TPO: variants seen among roughly 807,000 people sequenced by gnomAD.
TPO encodes the protein thyroid peroxidase, also known as thyroid microsomal antigen.
Under a neutral mutation model 96.9 loss-of-function variants are expected in TPO, and 78 were observed. The observed-to-expected ratio is 0.81, with a 90% confidence interval of 0.67 to 0.97. The LOEUF (loss-of-function observed/expected upper bound fraction) is 0.97, where lower values mean the gene tolerates loss of function less well. TPO is among the 50% of genes least tolerant of loss of function. The pLI, the probability that TPO is intolerant of heterozygous loss-of-function variation, is 0.00. For missense variants in TPO, 1,252 were observed against 1,274.8 expected, an observed-to-expected ratio of 0.98 and a Z score of 0.27; for synonymous variants, 547 against 538.0, an observed-to-expected ratio of 1.02 and a Z score of -0.23.
intron 5 of TPO, among the ~76,000 whole-genome samples, chr2:1,445,593 C>G (rs1187908753): frequency 4.9e-5 from 7 of 141,766 alleles, no homozygotes; most frequent in African/African-American, 8.2e-5. Context: ...TTTGTATGAT[C>G]CAGTCATTGC....
At chr2:1,422,371 C>CGACCTCGTGCAGGCGCCTCTCCTGGACA (rs1663806629) in intron 2 of TPO, among the ~76,000 whole-genome samples, 1 of 49,780 alleles carries the variant, frequency 2.0e-5, no homozygotes, top group African/African-American at 7.2e-5. Context: ...CGCGCTGGAC[C>CGACCTCGTGCAGGCGCCTCTCCTGGACA]GACCTCGTGC....
chr2:1,484,606 T>G lies in TPO; in HGVS notation c.1349T>G (p.Leu450Arg). The G allele has an allele frequency of 6.2e-7, 1 of 1,614,112 alleles. No individual in the cohort carries two copies. Among genetic ancestry groups the G allele is most frequent in the Non-Finnish European group, 8.5e-7 (1 of 1,180,030 alleles). The change falls in exon 9 of 17, where the codon CTG becomes CGG. Residue 450 changes from leucine to arginine, a missense_variant. Leu to Arg is a moderately radical substitution (Grantham distance 102). Coordinates refer to ENST00000329066, the MANE Select transcript of TPO (RefSeq NM_001206744.2). ...TTCCTATCTGCACAGATCATCACCC[T>G]GAGGGATTACATCCCCAGGATCCTG... Reference protein sequence around the residue: ...VVGALHQIITLRDYIPRILGP... With the variant: ...VVGALHQIITRRDYIPRILGP...
rs949226660 is a variant in TPO at position 1,457,863 on chromosome 2, G to A, written c.819+1581G>A. Among the ~76,000 whole-genome samples the A allele has an allele frequency of 2.0e-4, 31 of 152,096 alleles. 2 individuals are homozygous for A. In the East Asian group the frequency reaches 4.1e-3, roughly 20 times the overall value. On this transcript the variant is annotated intron_variant, in intron 7 of 16. Coordinates refer to ENST00000329066, the MANE Select transcript of TPO (RefSeq NM_001206744.2). ...GGATTATGTGTGGGCATGTGTATTA[G>A]CATATATGATCTCGGGTGGGCACGT...
Position 1,403,754 on chromosome 2 carries a change from G to A in TPO, n.180+29352G>A, listed in dbSNP as rs902630503. ...CCATCTCCCTCCTTCCGAGCACACC[G>A]TGGGTTCACATTTCACTGTGGTGTG... is the stretch of plus-strand genomic sequence containing the variant. On this transcript the variant is annotated intron_variant and non_coding_transcript_variant, in intron 1 of 5. Coordinates refer to the TPO transcript ENST00000497517. 2.0e-5 allele frequency among the ~76,000 whole-genome samples: 3 copies of A among 152,184 alleles called. No homozygotes were observed. In the South Asian group the frequency reaches 6.2e-4, roughly 31 times the overall value.
chr2:1,538,558 G>T (rs1283368702), intron 15 of TPO, among the ~76,000 whole-genome samples: 1 of 152,140 alleles, frequency 6.6e-6, no homozygotes. Flanking sequence ...AACAGTGAAT[G>T]CCAATTATTT....
At chr2:1,433,417 T>C in intron 3 of TPO, 21 bp from the exon 4 acceptor site, 1 of 1,613,792 alleles carries the variant, frequency 6.2e-7, no homozygotes. Context: ...ATCTATTTTA[T>C]ATCTTCTTTA....
At position 1,534,522 on chromosome 2, in the gene TPO, CT is replaced by C. The variant is rs1158402142; in HGVS notation, c.2619-6071del. Among the ~76,000 whole-genome samples the C allele has an allele frequency of 5.4e-3, 489 of 90,840 alleles. 1 individual carries two copies. The highest frequency in any genetic ancestry group is 7.2e-3 in the Admixed American group (56 of 7,810). 59.6% of individuals were successfully genotyped at this position (90,840 alleles called of 152,430 possible). ...CGCAGTGTGCAACTTCCCCAAATCC[CT>C]CCCACTCTGTGCAACCTCCCCAAAT... On this transcript the variant is annotated intron_variant, in intron 15 of 16. Coordinates refer to ENST00000329066, the MANE Select transcript of TPO (RefSeq NM_001206744.2).
chr2:1,509,510 C>A (rs898001417), intron 14 of TPO, among the ~76,000 whole-genome samples: 4 of 151,842 alleles, frequency 2.6e-5, no homozygotes, highest in Admixed American at 2.0e-4. Flanking sequence ...TTCTGGGAAA[C>A]CACAACCTCT....
At chr2:1,516,633 G>A (rs1369031592) in intron 14 of TPO, among the ~76,000 whole-genome samples, 1 of 152,190 alleles carries the variant, frequency 6.6e-6, no homozygotes. Flanking sequence ...CCACAGTGAG[G>A]TTCCATAGAG....
Position 1,477,444 on chromosome 2 carries a change from G to A in TPO, c.1178G>A (p.Gly393Glu), listed in dbSNP as rs1221469555. Residue 393 changes from glycine (G) to glutamate (E), a missense_variant, in exon 8 of 17, where the codon GGA (glycine) becomes GAA (glutamate). By Grantham distance (98) the Gly-to-Glu change is moderately conservative. Coordinates refer to ENST00000329066, the MANE Select transcript of TPO (RefSeq NM_001206744.2). ...GETRGPCFLA[G>E]DGRASEVPSL... ...ACCCGCGGGCCCTGCTTCCTGGCCG[G>A]AGACGGCCGCGCCAGCGAGGTCCCC... 6.6e-7 allele frequency: 1 copy of A among 1,523,660 alleles called. No homozygotes were observed. Among genetic ancestry groups the A allele is most frequent in the African/African-American group, 1.4e-5 (1 of 70,728 alleles). 94.4% of individuals were successfully genotyped at this position (1,523,660 alleles called of 1,614,324 possible).
chr2:1,467,172 C>T (rs1157177709), intron 7 of TPO, among the ~76,000 whole-genome samples: 9 of 151,892 alleles, frequency 5.9e-5, no homozygotes, highest in East Asian at 5.8e-4. Context: ...GGCACAATCT[C>T]GGCTGATTGC....
At chr2:1,494,095 G>A in intron 11 of TPO, 56 bp downstream of exon 11, 6 of 1,571,618 alleles carry the variant, frequency 3.8e-6, no homozygotes, top group Non-Finnish European at 2.6e-6. Context: ...CAGGTGGTCT[G>A]CGTTGGTTCT....
intron 5 of TPO, 50 bp downstream of exon 5, chr2:1,436,434 A>G (rs759601711): frequency 3.1e-6 from 5 of 1,613,018 alleles, no homozygotes; most frequent in East Asian, 2.2e-5. Context: ...GGATCTGAAC[A>G]TGACTAGATG....
chr2:1,514,476 G>T (rs571449298), intron 14 of TPO, among the ~76,000 whole-genome samples: 4 of 152,258 alleles, frequency 2.6e-5, no homozygotes, highest in African/African-American at 7.2e-5. Context: ...GCCCAAACCC[G>T]ATGCCGTTTC....
At chr2:1,398,363 G>A (rs112100999) in intron 1 of TPO, among the ~76,000 whole-genome samples, 584 of 152,232 alleles carry the variant, frequency 3.8e-3, no homozygotes, top group African/African-American at 0.013. Context: ...GCTCTGGCAC[G>A]GCTGGAAACT....
chr2:1,375,595 G>C (rs934454588), intron 1 of TPO, among the ~76,000 whole-genome samples: 1 of 152,126 alleles, frequency 6.6e-6, no homozygotes, highest in Non-Finnish European at 1.5e-5. Flanking sequence ...ACACGATAAG[G>C]TAAGCCCTGG....
chr2:1,499,668 C>T (rs541354429), intron 13 of TPO, among the ~76,000 whole-genome samples: 1 of 152,082 alleles, frequency 6.6e-6, no homozygotes. Flanking sequence ...ACAATCCCTG[C>T]GTCAGAATCC....
chr2:1,542,586 C>G lies in TPO; in HGVS notation c.*112C>G. The G allele has an allele frequency of 1.3e-6, 2 of 1,565,342 alleles. No individual in the cohort carries two copies. The highest frequency in any genetic ancestry group is 2.3e-5 in the South Asian group (2 of 85,242). ...CAGCAGGACGACTGTTTTCCCAACA[C>G]GGGTAAATCTAGTACCATGTCGTAG... On this transcript the variant is annotated 3_prime_UTR_variant, in exon 17 of 17. Coordinates refer to ENST00000329066, the MANE Select transcript of TPO (RefSeq NM_001206744.2).
intron 4 of TPO, among the ~76,000 whole-genome samples, chr2:1,434,383 C>A (rs751508748): frequency 4.6e-5 from 7 of 152,222 alleles, no homozygotes; most frequent in African/African-American, 1.7e-4. Context: ...TAGAATAAGA[C>A]AAACTTGGCT....
Sources: gnomAD v4.1 joint callset for allele counts (sites outside exome capture counted in the v4.1 genomes callset) on GRCh38, gnomAD v4.1.1 for gene constraint, MANE v1.5 for transcripts, NCBI Gene and HGNC (gene_info 2026-07-23, HGNC 2026-07-21) for gene names.